ARID2: variants seen among roughly 807,000 people sequenced by gnomAD.
The protein encoded by ARID2 is AT-rich interactive domain-containing protein 2.
A neutral mutation model predicts 184.6 loss-of-function variants in ARID2; 32 were observed. The ratio of observed to expected loss-of-function variants is 0.17; its 90% CI spans 0.13 to 0.23. The LOEUF is 0.23. Among genes scored for constraint, ARID2 ranks in the 10% least tolerant of loss-of-function variants. The pLI is 1.00. For missense variants in ARID2, 1,696 were observed against 2,197.6 expected (o/e 0.77, Z 4.56); for synonymous variants, 836 against 772.6 (o/e 1.08, Z -1.36).
chr12:45,848,927 C>T lies in ARID2; in HGVS notation c.1672C>T (p.Arg558Cys), dbSNP rs777576250. 7 of 1,612,474 alleles carry T rather than the reference C, an allele frequency of 4.3e-6. No homozygotes were observed. The highest frequency in any genetic ancestry group is 1.7e-4 in the Middle Eastern group (1 of 6,016). ...CCTCTCGACTTGCAGTAAATTAGCT[C>T]GTGGTGGAATCCTAACATCAACTGG... Reference protein sequence around the residue: ...EYLSTCSKLARGGILTSTGFY... With the variant: ...EYLSTCSKLACGGILTSTGFY... The change falls in exon 13 of 21, where the codon CGT (arginine) becomes TGT (cysteine). Residue 558 changes from arginine (R) to cysteine (C), a missense_variant. Coordinates refer to ENST00000334344, the MANE Select transcript of ARID2 (RefSeq NM_152641.4).
rs547420789 is a variant in ARID2 at position 45,888,522 on chromosome 12, C to G, written c.4923-3258C>G. The stretch of plus-strand genomic sequence containing the variant: ...ATTTTGGAATAGTTGTGGAGAAGAT[C>G]TCAGAGTAGAGGATTAACAAGATGG... On this transcript the variant is annotated intron_variant, in intron 16 of 20. Coordinates refer to ENST00000334344, the MANE Select transcript of ARID2 (RefSeq NM_152641.4). 2.0e-5 allele frequency among the ~76,000 whole-genome samples: 3 copies of G among 152,268 alleles called. No individual in the cohort carries two copies. The South Asian group carries it at 6.2e-4, about 32-fold the overall frequency.
chr12:45,765,457 T>C (rs1434828468), intron 3 of ARID2, among the ~76,000 whole-genome samples: 2 of 152,034 alleles, frequency 1.3e-5, no homozygotes, highest in African/African-American at 4.8e-5. Context: ...GTGATCCTCC[T>C]GCCTTAGCCT....
chr12:45,834,271 T>C (rs986115089), intron 6 of ARID2, among the ~76,000 whole-genome samples: 4 of 152,206 alleles, frequency 2.6e-5, no homozygotes, highest in Non-Finnish European at 4.4e-5. Context: ...TTTTTTTTTT[T>C]TCTACCCCAT....
chr12:45,814,112 T>A (rs941327859), intron 4 of ARID2, among the ~76,000 whole-genome samples: 1 of 152,174 alleles, frequency 6.6e-6, no homozygotes, highest in Non-Finnish European at 1.5e-5. Flanking sequence ...GATATAAAAA[T>A]TTTTTATTAG....
chr12:45,876,358 C>G (rs1227117528), intron 16 of ARID2, among the ~76,000 whole-genome samples: 1 of 151,880 alleles, frequency 6.6e-6, no homozygotes, highest in East Asian at 1.9e-4. Context: ...CAAGACCACC[C>G]TGACCAACAT....
chr12:45,888,229 A>T (rs915447858), intron 16 of ARID2, among the ~76,000 whole-genome samples: 1 of 151,584 alleles, frequency 6.6e-6, no homozygotes, highest in South Asian at 2.1e-4. Context: ...AAATGAACTT[A>T]TTTTTTCAGT....
chr12:45,893,938 T>C (rs1353227176), intron 20 of ARID2: 5 of 362,404 alleles, frequency 1.4e-5, no homozygotes, highest in Non-Finnish European at 1.5e-5. Context: ...TTAAGTTGTT[T>C]TATTAAGTTA....
chr12:45,859,017 T>C (rs1197885406), intron 15 of ARID2, among the ~76,000 whole-genome samples: 1 of 152,238 alleles, frequency 6.6e-6, no homozygotes, highest in Non-Finnish European at 1.5e-5. Flanking sequence ...CATTTGTATG[T>C]CATAGTAGCC....
At chr12:45,882,960 C>T (rs577795876) in intron 16 of ARID2, among the ~76,000 whole-genome samples, 1 of 152,260 alleles carries the variant, frequency 6.6e-6, no homozygotes, top group African/African-American at 2.4e-5. Context: ...CTGACTTAGC[C>T]TGTTGGCATC....
At position 45,905,415 on chromosome 12, in the gene ARID2, T is replaced by C. The variant is rs1348894657; in HGVS notation, c.*337T>C. The C allele has an allele frequency of 2.1e-5, 5 of 242,598 alleles. No individual in the cohort carries two copies. Among genetic ancestry groups the C allele is most frequent in the Non-Finnish European group, 4.0e-5 (5 of 124,526 alleles). The allele number at this position is 242,598 out of a possible 1,614,324, so 15.0% of individuals were successfully genotyped here. ...CCACATTGGAATATACATGGAATAT[T>C]GTAAAACCTACATGAGCAGATGAAA... On this transcript the variant is annotated 3_prime_UTR_variant, in exon 21 of 21. Coordinates refer to ENST00000334344, the MANE Select transcript of ARID2 (RefSeq NM_152641.4).
Position 45,729,858 on chromosome 12 carries a change from G to C in ARID2, c.22G>C (p.Ala8Pro). The C allele has an allele frequency of 6.2e-7, 1 of 1,611,348 alleles. No individual in the cohort carries two copies. Among genetic ancestry groups the C allele is most frequent in the Non-Finnish European group, 8.5e-7 (1 of 1,179,086 alleles). Residue 8 changes from alanine to proline, a missense_variant, in exon 1 of 21, where the codon GCG becomes CCG. Coordinates refer to ENST00000334344, the MANE Select transcript of ARID2 (RefSeq NM_152641.4). ...AATAATGGCAAACTCGACGGGGAAG[G>C]CGCCTCCGGACGAGCGGAGAAAGGG... MANSTGKAPPDERRKGLA... is the reference protein window; with the variant it reads MANSTGKPPPDERRKGLA...
At chr12:45,866,244 T>C (rs1943830172) in intron 16 of ARID2, among the ~76,000 whole-genome samples, 1 of 152,174 alleles carries the variant, frequency 6.6e-6, no homozygotes, top group South Asian at 2.1e-4. Context: ...ACTGTCTTTG[T>C]TATCTGCATT....
At chr12:45,756,405 CTGATT>C (rs1941573353) in intron 3 of ARID2, among the ~76,000 whole-genome samples, 1 of 152,110 alleles carries the variant, frequency 6.6e-6, no homozygotes, top group South Asian at 2.1e-4. Context: ...TAACATTAAG[CTGATT>C]TGATTTGGTT....
intron 6 of ARID2, among the ~76,000 whole-genome samples, chr12:45,822,570 TAAAAA>T (rs1942918122): frequency 6.6e-6 from 1 of 152,058 alleles, no homozygotes. Flanking sequence ...TAAAAATAAA[TAAAAA>T]ATAAAATGAT....
chr12:45,741,225 CTG>C (rs1189341754), intron 3 of ARID2, among the ~76,000 whole-genome samples: 4 of 152,130 alleles, frequency 2.6e-5, no homozygotes, highest in Non-Finnish European at 4.4e-5. Flanking sequence ...GGGTCTCACT[CTG>C]TCTCAAAACA....
chr12:45,778,709 T>C (rs1172100956), intron 3 of ARID2, among the ~76,000 whole-genome samples: 2 of 151,964 alleles, frequency 1.3e-5, no homozygotes, highest in African/African-American at 4.8e-5. Context: ...GACGGTTCAT[T>C]TACATATTAA....
intron 4 of ARID2, among the ~76,000 whole-genome samples, chr12:45,814,036 AAAGTG>A (rs762719787): frequency 1.2e-4 from 18 of 152,266 alleles, no homozygotes; most frequent in Admixed American, 5.9e-4. Flanking sequence ...TCATTTTAAT[AAAGTG>A]AAGCCAAGTA....
intron 4 of ARID2, among the ~76,000 whole-genome samples, chr12:45,813,548 G>A (rs189989053): frequency 1.2e-4 from 18 of 150,896 alleles, no homozygotes; most frequent in African/African-American, 3.4e-4. Context: ...GAGAAGATAT[G>A]TATTTACATA....
intron 3 of ARID2, among the ~76,000 whole-genome samples, chr12:45,782,353 T>TGG (rs1364875772): frequency 6.6e-6 from 1 of 151,958 alleles, no homozygotes; most frequent in East Asian, 1.9e-4. Context: ...TGAATCAAGC[T>TGG]GGGCACGGTG....
Sources: allele counts gnomAD v4.1 joint callset (sites outside exome capture counted in the v4.1 genomes callset), GRCh38; gene constraint gnomAD v4.1.1; transcripts MANE v1.5; gene names NCBI Gene and HGNC (gene_info 2026-07-23, HGNC 2026-07-21).